The following ADK variants were observed in gnomAD, a reference collection of about 807,000 sequenced individuals.
ADK encodes adenosine kinase.
Under a neutral mutation model 44.7 loss-of-function variants are expected in ADK, and 24 were observed. The observed-to-expected ratio is 0.54, with a 90% CI of 0.39 to 0.76. The LOEUF (loss-of-function observed/expected upper bound fraction) is 0.76. ADK is among the 30% of genes least tolerant of loss of function. The pLI is 0.00. For missense variants in ADK, 321 were observed against 425.1 expected (o/e 0.76, Z 2.15); for synonymous variants, 128 against 142.6 (o/e 0.90, Z 0.73).
intron 10 of ADK, among the ~76,000 whole-genome samples, chr10:74,685,066 G>A (rs1201460382): frequency 6.6e-6 from 1 of 152,050 alleles, no homozygotes; most frequent in Non-Finnish European, 1.5e-5. Flanking sequence ...GCATTCATGT[G>A]AACACTACCT....
intron 6 of ADK, among the ~76,000 whole-genome samples, chr10:74,433,962 GAT>G (rs1845094782): frequency 6.6e-6 from 1 of 152,138 alleles, no homozygotes; most frequent in East Asian, 1.9e-4. Context: ...GGTTGAGGCT[GAT>G]ATAAGTAAGA....
At chr10:74,157,412 A>C (rs556368243) in intron 1 of ADK, among the ~76,000 whole-genome samples, 136 of 152,356 alleles carry the variant, frequency 8.9e-4, no homozygotes, top group African/African-American at 3.1e-3. Context: ...TCATAAAAAA[A>C]CATGAATCAA....
intron 3 of ADK, among the ~76,000 whole-genome samples, chr10:74,298,174 C>T (rs1167955777): frequency 6.6e-6 from 1 of 152,086 alleles, no homozygotes; most frequent in Non-Finnish European, 1.5e-5. Context: ...GTTCCAAATT[C>T]ATAGGAACAT....
At chr10:74,483,924 A>G (rs897436564) in intron 6 of ADK, among the ~76,000 whole-genome samples, 2 of 152,234 alleles carry the variant, frequency 1.3e-5, no homozygotes, top group Non-Finnish European at 2.9e-5. Context: ...ACAAGTCTCT[A>G]GGAAGTTCCA....
intron 4 of ADK, among the ~76,000 whole-genome samples, chr10:74,354,931 G>A (rs1256706549): frequency 6.6e-6 from 1 of 152,162 alleles, no homozygotes; most frequent in Non-Finnish European, 1.5e-5. Flanking sequence ...GGAGCTGTAT[G>A]CATTTATAAT....
intron 7 of ADK, among the ~76,000 whole-genome samples, chr10:74,560,700 T>C (rs7918318): frequency 0.27 from 41,776 of 152,088 alleles, 7,336 homozygotes; most frequent in East Asian, 0.63. Context: ...CAAGTTATAG[T>C]ATTGAGAAGC....
intron 7 of ADK, among the ~76,000 whole-genome samples, chr10:74,562,724 G>A (rs1458536634): frequency 1.3e-5 from 2 of 152,112 alleles, no homozygotes; most frequent in African/African-American, 4.8e-5. Context: ...AAAATATTTA[G>A]GATCCTTTTT....
At chr10:74,422,423 T>C (rs185415265) in intron 6 of ADK, among the ~76,000 whole-genome samples, 1 of 152,230 alleles carries the variant, frequency 6.6e-6, no homozygotes, top group Non-Finnish European at 1.5e-5. Flanking sequence ...AGAATAGAAA[T>C]AGGATATTAG....
rs552234208 is a variant in ADK, at chr10:74,535,924, A to G, written c.726+10498A>G. On this transcript the variant is annotated intron_variant, in intron 7 of 10. Transcript: ENST00000539909. ...AAATATTAGCAAATGATGTATCTTT[A>G]TATATTAAAATAAAATGTTTAGATT... Among the ~76,000 whole-genome samples the G allele has an allele frequency of 3.3e-5, 5 of 152,200 alleles. No homozygotes were observed. The East Asian group carries it at 9.6e-4, about 29-fold the overall frequency.
chr10:74,506,955 T>A (rs1259880880), intron 6 of ADK, among the ~76,000 whole-genome samples: 3 of 152,112 alleles, frequency 2.0e-5, no homozygotes, highest in African/African-American at 7.2e-5. Flanking sequence ...CTTGAAAAAA[T>A]TTTTACACAC....
At position 74,188,509 on chromosome 10, in the gene ADK, C is replaced by T. The variant is rs1041095531; in HGVS notation, c.66-12255C>T. 4.6e-5 allele frequency among the ~76,000 whole-genome samples: 7 copies of T among 151,432 alleles called. 1 individual carries two copies. Among genetic ancestry groups the T allele is most frequent in the South Asian group, 4.2e-4 (2 of 4,806 alleles). On this transcript the variant is annotated intron_variant, in intron 1 of 10. Coordinates refer to ENST00000539909, the MANE Select transcript of ADK (RefSeq NM_006721.4). ...GACTACCGGCACCCGCCACCACACC[C>T]GGCTAATTTTTTTTGTGTGTTTTTA...
rs149866916 is a variant in ADK at position 74,457,199 on chromosome 10, A to G, written c.555+58620A>G. ...AAACTACCATCAGAGAATACTATAG[A>G]CACCTCTACGCAAATAAACTAGAAA... is the stretch of plus-strand genomic sequence containing the variant. On this transcript the variant is annotated intron_variant, in intron 6 of 10. Coordinates refer to ENST00000539909, the MANE Select transcript of ADK (RefSeq NM_006721.4). 4.5e-3 allele frequency among the ~76,000 whole-genome samples: 680 copies of G among 152,356 alleles called. 4 individuals are homozygous for G. The highest frequency in any genetic ancestry group is 0.016 in the African/African-American group (655 of 41,590).
At chr10:74,419,776 C>A (rs1844495909) in intron 6 of ADK, among the ~76,000 whole-genome samples, 1 of 152,046 alleles carries the variant, frequency 6.6e-6, no homozygotes, top group African/African-American at 2.4e-5. Flanking sequence ...CATTGAAGAC[C>A]TTCTGTAAGT....
chr10:74,600,836 A>G (rs1307114298), intron 9 of ADK, among the ~76,000 whole-genome samples: 2 of 152,050 alleles, frequency 1.3e-5, no homozygotes, highest in African/African-American at 2.4e-5. Flanking sequence ...TTACTCAATT[A>G]TGAACAAATA....
In ADK at chr10:74,547,430, TTATA is replaced by T. The variant is rs10596248; in HGVS notation, c.726+22018_726+22021del. Among the ~76,000 whole-genome samples, 126 of 137,434 alleles carry T rather than the reference TTATA, an allele frequency of 9.2e-4. 1 individual carries two copies. The highest frequency in any genetic ancestry group is 7.9e-3 in the Middle Eastern group (2 of 254). The allele number at this position is 137,434 out of a possible 152,430, so 90.2% of individuals were successfully genotyped here. A position where few individuals can be genotyped will look rare whatever the true frequency, so the allele number is the denominator to read the frequency against. On this transcript the variant is annotated intron_variant, in intron 7 of 10. Coordinates refer to ENST00000539909, the MANE Select transcript of ADK (RefSeq NM_006721.4). ...TAGATTTTACATCATTTTTCCCACT[TTATA>T]TATATATATATATTTATTTATTTAT...
chr10:74,632,019 C>CT (rs537588781), intron 9 of ADK, among the ~76,000 whole-genome samples: 30 of 151,070 alleles, frequency 2.0e-4, no homozygotes, highest in South Asian at 6.3e-4. Context: ...GTATACAATT[C>CT]TTTTTTTTTG....
intron 4 of ADK, among the ~76,000 whole-genome samples, chr10:74,378,381 C>A (rs751057273): frequency 6.6e-6 from 1 of 151,762 alleles, no homozygotes; most frequent in South Asian, 2.1e-4. Context: ...ATTATATAGG[C>A]CATAACAGTT....
chr10:74,164,262 A>G (rs1591795661), intron 1 of ADK, among the ~76,000 whole-genome samples: 1 of 152,216 alleles, frequency 6.6e-6, no homozygotes, highest in Non-Finnish European at 1.5e-5. Context: ...TAGGCTGGGT[A>G]TGTTGGCTCA....
intron 7 of ADK, chr10:74,527,790 T>A (rs1035057272): frequency 5.1e-6 from 8 of 1,560,266 alleles, no homozygotes; most frequent in Non-Finnish European, 6.2e-6. Context: ...ACCTGACATG[T>A]GGGCATACTT....
Sources: allele counts gnomAD v4.1 joint callset (sites outside exome capture counted in the v4.1 genomes callset), GRCh38; gene constraint gnomAD v4.1.1; transcripts MANE v1.5; gene names NCBI Gene and HGNC (gene_info 2026-07-23, HGNC 2026-07-21).